Variants in ACSM3 observed in about 807,000 individuals in gnomAD.
ACSM3 encodes the protein acyl-CoA synthetase medium chain family member 3.
Under a neutral mutation model 74.1 loss-of-function variants are expected in ACSM3, and 61 were observed. The ratio of observed to expected loss-of-function variants is 0.82; its 90% CI spans 0.67 to 1.02. The LOEUF (loss-of-function observed/expected upper bound fraction) is 1.02, where lower values mean the gene tolerates loss of function less well. ACSM3 is among the 50% of genes least tolerant of loss of function. ACSM3 has a pLI of 0.00. For synonymous variants in ACSM3, 213 were observed against 241.5 expected, an observed-to-expected ratio of 0.88 and a Z score of 1.09; for missense variants, 660 against 697.0, an observed-to-expected ratio of 0.95 and a Z score of 0.60.
intron 1 of ACSM3, among the ~76,000 whole-genome samples, chr16:20,710,843 G>C (rs1273372348): frequency 6.6e-6 from 1 of 152,142 alleles, no homozygotes; most frequent in Admixed American, 6.5e-5. Flanking sequence ...CCAGCACTTT[G>C]GGAGGCCTAG....
intron 1 of ACSM3, chr16:20,741,481 G>GGGGGGGGGGGCCCCCCCCCCCCCC: frequency 2.3e-6 from 3 of 1,308,402 alleles, no homozygotes; most frequent in Non-Finnish European, 3.0e-6. Context: ...CTGGCAGCCG[G>GGGGGGGGGGGCCCCCCCCCCCCCC]CCCGCCCGCC....
chr16:20,731,698 C>A, intron 1 of ACSM3: 1 of 404,548 alleles, frequency 2.5e-6, no homozygotes, highest in South Asian at 4.6e-5. Context: ...GCTTCAGGAT[C>A]ATGTGAAAAA....
At position 20,796,722 on chromosome 16, in the gene ACSM3, C is replaced by G. The variant is rs146478955; in HGVS notation, c.1675-164C>G. On this transcript the variant is annotated intron_variant, in intron 13 of 13. Transcript: ENST00000289416. The stretch of plus-strand genomic sequence containing the variant: ...CAGTAAATACTTAATATCAAGACAA[C>G]TTTCCTAACAATACCCTTTTCCCTA... 368 of 1,489,932 alleles carry G rather than the reference C, an allele frequency of 2.5e-4. 2 individuals are homozygous for G. In the African/African-American group the frequency reaches 4.8e-3, roughly 20 times the overall value. 92.3% of individuals were successfully genotyped at this position (1,489,932 alleles called of 1,614,324 possible).
At chr16:20,725,345 CT>C in intron 1 of ACSM3, 1 of 240,416 alleles carries the variant, frequency 4.2e-6, no homozygotes, top group Non-Finnish European at 9.2e-6. Flanking sequence ...ACTTCTGTGT[CT>C]TTCTCCATCA....
upstream of ACSM3, among the ~76,000 whole-genome samples, chr16:20,761,634 C>T (rs570105865): frequency 7.2e-5 from 11 of 152,248 alleles, no homozygotes; most frequent in Non-Finnish European, 1.3e-4. Context: ...TGTCAGGCGA[C>T]AATCAGGTGA....
At chr16:20,791,942 AT>A in intron 10 of ACSM3, 59 bp from the exon 11 acceptor site, 2 of 1,570,254 alleles carry the variant, frequency 1.3e-6, no homozygotes, top group Admixed American at 1.9e-5. Context: ...AAAAAAAAAA[AT>A]TCCAATTGAC....
intron 1 of ACSM3, among the ~76,000 whole-genome samples, chr16:20,748,967 A>G (rs553813168): frequency 1.8e-4 from 27 of 152,174 alleles, no homozygotes; most frequent in Admixed American, 1.2e-3. Flanking sequence ...TAGAAGAATC[A>G]TTTGAACCCA....
At chr16:20,738,847 A>G (rs1316815722) in intron 1 of ACSM3, 1 of 1,591,002 alleles carries the variant, frequency 6.3e-7, no homozygotes, top group Non-Finnish European at 8.6e-7. Flanking sequence ...TGAGACAGGA[A>G]GATACCCAGA....
chr16:20,790,921 G>C lies in ACSM3; in HGVS notation c.1326+233G>C. On this transcript the variant is annotated intron_variant, in intron 10 of 13. Coordinates refer to ENST00000289416, the MANE Select transcript of ACSM3 (RefSeq NM_005622.4). This position sits in a 1 kb window ranked among gnomAD's most constrained non-coding sequence, Gnocchi z 4.0. ...CACTGTTCCAGGTCCACGAAGGCAA[G>C]AGGAAGGGACCCTAGAAAGAGGACA... 1 of 1,614,018 alleles carries C rather than the reference G, an allele frequency of 6.2e-7. No individual in the cohort carries two copies. Among genetic ancestry groups the C allele is most frequent in the Non-Finnish European group, 8.5e-7 (1 of 1,179,966 alleles).
chr16:20,764,888 T>G (rs2080109637), intron 1 of ACSM3, among the ~76,000 whole-genome samples: 1 of 152,150 alleles, frequency 6.6e-6, no homozygotes. Context: ...AGCAGCCAGT[T>G]TTCTCCTTTA....
intron 1 of ACSM3, chr16:20,729,343 C>T (rs1209927978): frequency 1.4e-6 from 2 of 1,451,854 alleles, no homozygotes; most frequent in African/African-American, 2.8e-5. Context: ...CTGATGATGT[C>T]ATTATTTCCT....
intron 1 of ACSM3, among the ~76,000 whole-genome samples, chr16:20,744,466 C>T (rs1231033569): frequency 2.0e-5 from 3 of 152,182 alleles, no homozygotes; most frequent in East Asian, 3.8e-4. Flanking sequence ...CTCACTGCAA[C>T]GTCCACTTAC....
chr16:20,785,980 T>C (rs1034448618), intron 8 of ACSM3, 98 bp from the exon 9 acceptor site: 6 of 782,778 alleles, frequency 7.7e-6, no homozygotes, highest in Non-Finnish European at 1.2e-5. Flanking sequence ...TAGTTCATAG[T>C]AAGTTTTCAA....
chr16:20,758,125 G>A (rs2080046740), intron 3 of ACSM3, among the ~76,000 whole-genome samples: 1 of 152,138 alleles, frequency 6.6e-6, no homozygotes. Flanking sequence ...GCCCGGCTTT[G>A]GTATCAGGAT....
At chr16:20,684,369 T>C (rs901000526) in intron 1 of ACSM3, among the ~76,000 whole-genome samples, 1 of 152,184 alleles carries the variant, frequency 6.6e-6, no homozygotes, top group African/African-American at 2.4e-5. Flanking sequence ...AATTGTGCCT[T>C]TGTAAAGGAT....
At chr16:20,741,900 C>T (rs1490499433) in intron 1 of ACSM3, 17 of 1,534,494 alleles carry the variant, frequency 1.1e-5, no homozygotes, top group Non-Finnish European at 1.5e-5. Context: ...GGCCGGTCTG[C>T]AATCGTGAAA....
At chr16:20,730,317 C>T (rs577618611) in intron 1 of ACSM3, among the ~76,000 whole-genome samples, 5 of 152,186 alleles carry the variant, frequency 3.3e-5, no homozygotes, top group Non-Finnish European at 7.3e-5. Flanking sequence ...CTCACAGAAA[C>T]AAGGCAGATA....
chr16:20,785,269 T>C (rs2080447398), intron 8 of ACSM3, among the ~76,000 whole-genome samples, 162 bp downstream of exon 8: 1 of 152,200 alleles, frequency 6.6e-6, no homozygotes, highest in Non-Finnish European at 1.5e-5. Context: ...GCAAAAAAGC[T>C]CTGTTAACAG....
chr16:20,767,055 C>A (rs1433203925), intron 1 of ACSM3, among the ~76,000 whole-genome samples: 1 of 151,882 alleles, frequency 6.6e-6, no homozygotes, highest in Non-Finnish European at 1.5e-5. Context: ...TCCCTCTGTA[C>A]CTTTTACAGT....
Sources: allele counts gnomAD v4.1 joint callset (sites outside exome capture counted in the v4.1 genomes callset), GRCh38; gene constraint gnomAD v4.1.1; non-coding constraint Gnocchi (gnomAD v3.1); transcripts MANE v1.5; gene names NCBI Gene and HGNC (gene_info 2026-07-23, HGNC 2026-07-21).